BLM: variants seen among roughly 807,000 people sequenced by gnomAD.
The protein encoded by BLM is recQ-like DNA helicase BLM.
A neutral mutation model predicts 135.3 loss-of-function variants in BLM; 95 were observed. The ratio of observed to expected loss-of-function variants is 0.70; its 90% CI spans 0.59 to 0.83. The LOEUF is 0.83. BLM is among the 40% of genes least tolerant of loss of function. The probability of loss-of-function intolerance (pLI) is 0.00; values close to 1 mark genes in which losing one functional copy is unlikely to be tolerated. For missense variants in BLM, 1,518 were observed against 1,663.9 expected, an observed-to-expected ratio of 0.91 and a Z score of 1.53; for synonymous variants, 520 against 589.2, an observed-to-expected ratio of 0.88 and a Z score of 1.70.
intron 7 of BLM, 88 bp downstream of exon 7, chr15:90,761,343 T>C (rs28385013): frequency 2.9e-6 from 3 of 1,044,094 alleles, no homozygotes; most frequent in African/African-American, 1.7e-5. Flanking sequence ...CAAATCATCA[T>C]TGCCTGAAAA....
chr15:90,800,949 A>G (rs1158611562), intron 17 of BLM, among the ~76,000 whole-genome samples: 3 of 152,100 alleles, frequency 2.0e-5, no homozygotes, highest in Non-Finnish European at 4.4e-5. Context: ...GGAGTTTGAG[A>G]CCAGCCTGGC....
chr15:90,762,823 AG>A, intron 7 of BLM, 142 bp from the exon 8 acceptor site: 2 of 794,070 alleles, frequency 2.5e-6, no homozygotes, highest in Non-Finnish European at 3.9e-6. Context: ...TGAGACTTGT[AG>A]GGAAGGAAAG....
At position 90,790,683 on chromosome 15, in the gene BLM, T is replaced by C. The variant is rs587778102; in HGVS notation, c.2858T>C (p.Ile953Thr). 2 of 1,614,202 alleles carry C rather than the reference T, an allele frequency of 1.2e-6. No individual in the cohort carries two copies. Among genetic ancestry groups the C allele is most frequent in the East Asian group, 2.2e-5 (1 of 44,880 alleles). ...ICATIAFGMG[I>T]DKPDVRFVIH... ...GCTACAATTGCATTTGGAATGGGGA[T>C]TGACAAACCGGACGTGCGATTTGTG... The change falls in exon 15 of 22, where the codon ATT (isoleucine) becomes ACT (threonine). Residue 953 changes from isoleucine to threonine, a missense_variant. Coordinates refer to ENST00000355112, the MANE Select transcript of BLM (RefSeq NM_000057.4).
At chr15:90,736,909 A>C (rs969344730) in intron 1 of BLM, among the ~76,000 whole-genome samples, 1 of 152,260 alleles carries the variant, frequency 6.6e-6, no homozygotes, top group African/African-American at 2.4e-5. Context: ...TAGATGGCAA[A>C]GGATGGAGAG....
intron 13 of BLM, among the ~76,000 whole-genome samples, chr15:90,783,557 T>G (rs1389633334): frequency 1.3e-5 from 2 of 152,182 alleles, no homozygotes; most frequent in Non-Finnish European, 2.9e-5. Context: ...TTAATTTCCA[T>G]TTCTAAAAAT....
chr15:90,725,744 C>T (rs538720557), intron 1 of BLM, among the ~76,000 whole-genome samples: 2 of 151,760 alleles, frequency 1.3e-5, no homozygotes, highest in South Asian at 2.1e-4. Flanking sequence ...ATCTCCTGAC[C>T]TCGTGATCCA....
chr15:90,758,009 G>C (rs1895865008), intron 5 of BLM, among the ~76,000 whole-genome samples: 1 of 151,564 alleles, frequency 6.6e-6, no homozygotes, highest in Non-Finnish European at 1.5e-5. Flanking sequence ...AGCCTCCTGA[G>C]TAGCTGGGAC....
chr15:90,800,384 A>C (rs559401765), intron 17 of BLM, among the ~76,000 whole-genome samples: 1 of 152,330 alleles, frequency 6.6e-6, no homozygotes, highest in African/African-American at 2.4e-5. Context: ...TATGCAGACT[A>C]ACAAAAGTCA....
At chr15:90,759,200 G>T (rs182949778) in intron 5 of BLM, among the ~76,000 whole-genome samples, 13 of 152,196 alleles carry the variant, frequency 8.5e-5, no homozygotes, top group Non-Finnish European at 1.3e-4. Context: ...GAAGATAATA[G>T]GACAATATAT....
chr15:90,718,470 GTGTCAC>G (rs928280887), intron 1 of BLM, among the ~76,000 whole-genome samples: 2 of 152,214 alleles, frequency 1.3e-5, no homozygotes, highest in Non-Finnish European at 2.9e-5. Flanking sequence ...TAACACTGGT[GTGTCAC>G]TGTCAAGATT....
At chr15:90,742,284 C>T (rs2151141268) in intron 1 of BLM, among the ~76,000 whole-genome samples, 1 of 150,658 alleles carries the variant, frequency 6.6e-6, no homozygotes, top group South Asian at 2.1e-4. Flanking sequence ...CCCCTTTGAA[C>T]AGTCACTGAG....
intron 21 of BLM, 113 bp downstream of exon 21, chr15:90,811,519 G>T (rs898789301): frequency 2.6e-6 from 3 of 1,170,832 alleles, no homozygotes; most frequent in Non-Finnish European, 3.7e-6. Flanking sequence ...ATTAAATATT[G>T]CTAATGGAAT....
intron 1 of BLM, among the ~76,000 whole-genome samples, chr15:90,731,434 T>A (rs1468789594): frequency 6.6e-6 from 1 of 152,194 alleles, no homozygotes; most frequent in African/African-American, 2.4e-5. Flanking sequence ...TGGAATCGTT[T>A]ATGTAAAACT....
chr15:90,726,668 C>T (rs1008202408), intron 1 of BLM, among the ~76,000 whole-genome samples: 1 of 152,180 alleles, frequency 6.6e-6, no homozygotes, highest in Non-Finnish European at 1.5e-5. Context: ...TTAGGTTCCA[C>T]ATATGAGTGA....
At position 90,791,596 on chromosome 15, in the gene BLM, C is replaced by T. The variant is rs576550999; in HGVS notation, c.3019+752C>T. 2.6e-5 allele frequency among the ~76,000 whole-genome samples: 4 copies of T among 151,876 alleles called. No homozygotes were observed. The East Asian group carries it at 5.8e-4, about 22-fold the overall frequency. Reference sequence around the variant, plus strand: ...ATCAACAATGCAGTATTGAACATCCCTCCCTATACAAATATCTTTGGGCAT... The same window carrying T: ...ATCAACAATGCAGTATTGAACATCCTTCCCTATACAAATATCTTTGGGCAT... On this transcript the variant is annotated intron_variant, in intron 15 of 21. Coordinates refer to ENST00000355112, the MANE Select transcript of BLM (RefSeq NM_000057.4).
At chr15:90,798,471 A>C in intron 17 of BLM, 134 bp downstream of exon 17, 1 of 863,820 alleles carries the variant, frequency 1.2e-6, no homozygotes, top group South Asian at 1.7e-5. Flanking sequence ...ACTTTTAAGT[A>C]ACAAAAGAAA....
chr15:90,788,480 T>G lies in BLM; in HGVS notation c.2824-2169T>G, dbSNP rs867530157. The stretch of plus-strand genomic sequence containing the variant: ...CAAATGCCAGTGTTTTGTTTTTTTT[T>G]TTTTTTTTTTTTTTGGTTTTTTGTT... On this transcript the variant is annotated intron_variant, in intron 14 of 21. Coordinates refer to ENST00000355112, the MANE Select transcript of BLM (RefSeq NM_000057.4). Among the ~76,000 whole-genome samples the G allele has an allele frequency of 1.7e-3, 261 of 149,736 alleles. 1 individual carries two copies. The highest frequency in any genetic ancestry group is 3.1e-3 in the Non-Finnish European group (208 of 67,488).
chr15:90,769,375 G>C (rs902805572), intron 11 of BLM, 63 bp from the exon 12 acceptor site: 2 of 1,597,106 alleles, frequency 1.3e-6, no homozygotes, highest in African/African-American at 2.7e-5. Context: ...ATTGAGCAGT[G>C]TTGGCTTTTT....
intron 12 of BLM, among the ~76,000 whole-genome samples, chr15:90,773,948 G>A (rs1051914338): frequency 5.9e-5 from 9 of 151,598 alleles, no homozygotes; most frequent in African/African-American, 2.2e-4. Flanking sequence ...GAACATTTGT[G>A]TAGAAGTTGT....
Sources: allele counts gnomAD v4.1 joint callset (sites outside exome capture counted in the v4.1 genomes callset), GRCh38; gene constraint gnomAD v4.1.1; transcripts MANE v1.5; gene names NCBI Gene and HGNC (gene_info 2026-07-23, HGNC 2026-07-21).